The following BTBD2 variants were observed in gnomAD, a reference collection of about 807,000 sequenced individuals.
The protein encoded by BTBD2 is BTB domain containing 2.
BTBD2 carries 15 observed loss-of-function variants against 44.0 expected under a neutral mutation model. That is an observed-to-expected ratio of 0.34 (90% CI 0.23 to 0.53). The LOEUF (loss-of-function observed/expected upper bound fraction) is 0.53. Ranked by LOEUF, BTBD2 falls within the 20% of genes least tolerant of loss-of-function variation. BTBD2 has a pLI of 0.95. For synonymous variants in BTBD2, 443 were observed against 335.9 expected, an observed-to-expected ratio of 1.32 and a Z score of -3.49; for missense variants, 657 against 746.4, an observed-to-expected ratio of 0.88 and a Z score of 1.39.
chr19:1,986,268 A>C lies in BTBD2; in HGVS notation c.*220T>G. ...GGGATTGTCTCCACAGGGCCTGGCC[A>C]CTGGCCTGGCCACCTCCCCGGCTGC... is the stretch of plus-strand genomic sequence containing the variant. On this transcript the variant is annotated 3_prime_UTR_variant, in exon 9 of 9. Coordinates refer to ENST00000255608, the MANE Select transcript of BTBD2 (RefSeq NM_017797.4). The C allele has an allele frequency of 1.8e-6, 1 of 571,110 alleles. No individual in the cohort carries two copies. The highest frequency in any genetic ancestry group is 3.0e-6 in the Non-Finnish European group (1 of 329,070). The allele number at this position is 571,110 out of a possible 1,614,324, so 35.4% of individuals were successfully genotyped here.
intron 1 of BTBD2, among the ~76,000 whole-genome samples, chr19:2,004,646 G>C (rs996489289): frequency 6.7e-6 from 1 of 149,052 alleles, no homozygotes; most frequent in Non-Finnish European, 1.5e-5. Flanking sequence ...AGATATTCAG[G>C]GTTCACATAA....
rs1399881504 is a variant in BTBD2 at position 1,990,336 on chromosome 19, T to G, written c.791-135A>C. 4 of 890,306 alleles carry G rather than the reference T, an allele frequency of 4.5e-6. No individual in the cohort carries two copies. In the African/African-American group the frequency reaches 6.7e-5, roughly 15 times the overall value. 55.2% of individuals were successfully genotyped at this position (890,306 alleles called of 1,614,324 possible). A position where few individuals can be genotyped will look rare whatever the true frequency, so the allele number is the denominator to read the frequency against. ...GGCCCGTGGCCCAAATCTGGCCCTG[T>G]GAGTGTGTTTATAAATAAAGCTTTA... is the stretch of plus-strand genomic sequence containing the variant. On this transcript the variant is annotated intron_variant, in intron 4 of 8. Coordinates refer to ENST00000255608, the MANE Select transcript of BTBD2 (RefSeq NM_017797.4).
chr19:1,992,989 C>T (rs1319153275), intron 3 of BTBD2, 31 bp downstream of exon 3: 24 of 1,450,290 alleles, frequency 1.7e-5, no homozygotes, highest in Admixed American at 2.1e-5. Context: ...CAGGCCTGGC[C>T]CCGCCCCCGC....
intron 1 of BTBD2, among the ~76,000 whole-genome samples, chr19:2,007,490 A>G (rs1202254628): frequency 1.3e-5 from 2 of 152,096 alleles, no homozygotes; most frequent in Admixed American, 1.3e-4. Context: ...ACACACAGTC[A>G]AGGTCTCACT....
chr19:1,992,818 C>T (rs1455009821), intron 3 of BTBD2, among the ~76,000 whole-genome samples: 1 of 152,146 alleles, frequency 6.6e-6, no homozygotes, highest in Non-Finnish European at 1.5e-5. Flanking sequence ...GTGATCTGCC[C>T]GCCTCGGCCT....
chr19:2,015,201 G>T, intron 1 of BTBD2, 96 bp downstream of exon 1: 6 of 1,404,344 alleles, frequency 4.3e-6, no homozygotes, highest in Non-Finnish European at 5.6e-6. Flanking sequence ...GGGGTGCGGG[G>T]GTCTCGGGGA....
At position 2,001,303 on chromosome 19, in the gene BTBD2, T is replaced by G. The variant is rs182367486; in HGVS notation, c.408-3840A>C. On this transcript the variant is annotated intron_variant, in intron 1 of 8. Transcript: ENST00000255608. ...CGAGGTCAGGAGATCAAGACCATCCTGGCTAACACGGTGAAACCCCGTCTC... is the reference window on the plus strand; with the variant it reads ...CGAGGTCAGGAGATCAAGACCATCCGGGCTAACACGGTGAAACCCCGTCTC... 1.8e-4 allele frequency among the ~76,000 whole-genome samples: 27 copies of G among 152,116 alleles called. No individual in the cohort carries two copies. In the East Asian group the frequency reaches 5.0e-3, roughly 28 times the overall value.
chr19:1,990,568 C>T, intron 4 of BTBD2, 149 bp downstream of exon 4: 1 of 761,602 alleles, frequency 1.3e-6, no homozygotes, highest in Non-Finnish European at 2.1e-6. Flanking sequence ...TGGGGCTGTG[C>T]TAGGACCCAA....
intron 1 of BTBD2, among the ~76,000 whole-genome samples, chr19:2,009,327 T>C (rs1420037807): frequency 1.3e-5 from 2 of 152,016 alleles, no homozygotes; most frequent in African/African-American, 2.4e-5. Context: ...GCCTCCCAAG[T>C]AGCTGGGATT....
chr19:1,999,340 G>A (rs980181654), intron 1 of BTBD2, among the ~76,000 whole-genome samples: 2 of 152,194 alleles, frequency 1.3e-5, no homozygotes, highest in Non-Finnish European at 2.9e-5. Context: ...GCCGGGGAAG[G>A]CTGGCCCTAA....
chr19:2,000,355 G>A (rs986641700), intron 1 of BTBD2, among the ~76,000 whole-genome samples: 40 of 152,226 alleles, frequency 2.6e-4, no homozygotes, highest in Admixed American at 6.5e-4. Context: ...GTACCTGTGC[G>A]TGGGACTTCT....
intron 1 of BTBD2, among the ~76,000 whole-genome samples, chr19:2,006,062 TG>T (rs1022660148): frequency 9.1e-4 from 137 of 150,686 alleles, no homozygotes; most frequent in African/African-American, 3.3e-3. Flanking sequence ...AACTCCAGTG[TG>T]GGTGACAGAG....
In BTBD2 at chr19:1,986,599, C is replaced by A. The variant is rs1272883538; in HGVS notation, c.1467G>T (p.Glu489Asp). 1.9e-6 allele frequency: 3 copies of A among 1,613,890 alleles called. No homozygotes were observed. Among genetic ancestry groups the A allele is most frequent in the Non-Finnish European group, 2.5e-6 (3 of 1,179,944 alleles). The change falls in exon 9 of 9, where the codon GAG becomes GAT. Residue 489 changes from glutamate to aspartate, a missense_variant. Physicochemically the swap from Glu to Asp is conservative, Grantham distance 45. Coordinates refer to ENST00000255608, the MANE Select transcript of BTBD2 (RefSeq NM_017797.4). ...AGGTCTTGGCGCCCGTGGTGGGCGACTCGTGTGTCACCTTGCGCAGGCCTT... is the reference window on the plus strand; with the variant it reads ...AGGTCTTGGCGCCCGTGGTGGGCGAATCGTGTGTCACCTTGCGCAGGCCTT... ...GTKGLRKVTH[E>D]SPTTGAKTCF...
chr19:1,998,554 C>T (rs1028702399), intron 1 of BTBD2, among the ~76,000 whole-genome samples: 7 of 152,188 alleles, frequency 4.6e-5, no homozygotes, highest in Admixed American at 1.3e-4. Context: ...CTCAGATCTT[C>T]GATATCGCCA....
chr19:2,003,790 G>GAAAGA (rs199521716), intron 1 of BTBD2, among the ~76,000 whole-genome samples: 39 of 146,612 alleles, frequency 2.7e-4, no homozygotes, highest in African/African-American at 7.9e-4. Context: ...AAAAAAAAGA[G>GAAAGA]AAAGAAAAGA....
At position 1,988,043 on chromosome 19, in the gene BTBD2, C is replaced by T. The variant is rs528248406; in HGVS notation, c.989-351G>A. 50 of 247,838 alleles carry T rather than the reference C, an allele frequency of 2.0e-4. 1 individual carries two copies. In the South Asian group the frequency reaches 2.7e-3, roughly 14 times the overall value. 15.4% of individuals were successfully genotyped at this position (247,838 alleles called of 1,614,324 possible). A position where few individuals can be genotyped will look rare whatever the true frequency, so the allele number is the denominator to read the frequency against. On this transcript the variant is annotated intron_variant, in intron 5 of 8. Coordinates refer to ENST00000255608, the MANE Select transcript of BTBD2 (RefSeq NM_017797.4). Reference sequence around the variant, plus strand: ...GGGGCGGGGGGCTCCACTGCCTGTTCTCTCAGGGCCATTGGCTGGGAGGGG... The same window carrying T: ...GGGGCGGGGGGCTCCACTGCCTGTTTTCTCAGGGCCATTGGCTGGGAGGGG...
chr19:1,987,282 T>G (rs1568213684), intron 6 of BTBD2, 29 bp from the exon 7 acceptor site: 1 of 1,610,336 alleles, frequency 6.2e-7, no homozygotes. Context: ...GGCAGCAGCG[T>G]GGATACCCAG....
rs775145768 is a variant in BTBD2, at chr19:1,990,160, G to A, written c.832C>T (p.Arg278Cys). ...AVLERDTLGI[R>C]EVRLFNAVVR... ...ACGGCATTGAACAGCCGCACCTCAC[G>A]GATGCCCAGTGTGTCGCGCTCCAGG... is the stretch of plus-strand genomic sequence containing the variant. The change falls in exon 5 of 9, where the codon CGT becomes TGT. Residue 278 changes from arginine (R) to cysteine (C), a missense_variant. By Grantham distance (180) the Arg-to-Cys change is radical. Around this residue, in one of 3 missense-constraint regions of BTBD2, gnomAD observed 449 missense variants for 510.9 expected, o/e 0.88. Coordinates refer to ENST00000255608, the MANE Select transcript of BTBD2 (RefSeq NM_017797.4). 8 of 1,610,344 alleles carry A rather than the reference G, an allele frequency of 5.0e-6. No individual in the cohort carries two copies. The highest frequency in any genetic ancestry group is 6.8e-6 in the Non-Finnish European group (8 of 1,178,908).
chr19:2,009,713 G>C (rs2016439391), intron 1 of BTBD2, among the ~76,000 whole-genome samples: 1 of 151,978 alleles, frequency 6.6e-6, no homozygotes, highest in Non-Finnish European at 1.5e-5. Flanking sequence ...AGCTGGGCGT[G>C]GTGGCGCACA....
Sources: gnomAD v4.1 joint callset for allele counts (sites outside exome capture counted in the v4.1 genomes callset) on GRCh38, gnomAD v4.1.1 for gene constraint, gnomAD v4.1.1 regional missense constraint, MANE v1.5 for transcripts, NCBI Gene and HGNC (gene_info 2026-07-23, HGNC 2026-07-21) for gene names.